The following GPHN variants were observed in gnomAD, a reference collection of about 807,000 sequenced individuals.
The protein encoded by GPHN is gephyrin.
A neutral mutation model predicts 95.5 loss-of-function variants in GPHN; 17 were observed. That is an observed-to-expected ratio of 0.18 (90% CI 0.12 to 0.27). The LOEUF (loss-of-function observed/expected upper bound fraction) is 0.27, where lower values mean the gene tolerates loss of function less well. GPHN is among the 10% of genes least tolerant of loss of function. The probability of loss-of-function intolerance (pLI) is 1.00; values close to 1 mark genes in which losing one functional copy is unlikely to be tolerated. For synonymous variants in GPHN, 320 were observed against 322.5 expected, an observed-to-expected ratio of 0.99 and a Z score of 0.08; for missense variants, 660 against 978.1, an observed-to-expected ratio of 0.67 and a Z score of 4.34.
chr14:66,751,112 C>T (rs1044090248), intron 2 of GPHN, among the ~76,000 whole-genome samples: 11 of 151,792 alleles, frequency 7.2e-5, no homozygotes, highest in African/African-American at 2.7e-4. Flanking sequence ...CTAAAGCCTC[C>T]TAAAAGAAAC....
the GPHN span, among the ~76,000 whole-genome samples, chr14:67,625,680 C>CAAAAAAAAAAAA: frequency 3.1e-5 from 1 of 32,128 alleles, no homozygotes; most frequent in Non-Finnish European, 6.6e-5. Flanking sequence ...AACTCCATCT[C>CAAAAAAAAAAAA]AAAAAAAAAA....
the GPHN span, chr14:67,203,049 C>T: frequency 5.7e-6 from 9 of 1,581,056 alleles, no homozygotes; most frequent in African/African-American, 1.1e-4. Context: ...TTGTCAAAGC[C>T]ACACATTTCA....
chr14:66,781,223 CT>C lies in GPHN; in HGVS notation c.201+4717del, dbSNP rs764447609. The stretch of plus-strand genomic sequence containing the variant: ...ATGTAACCACTATTCTGACTTCTTT[CT>C]TTTTTTTTTTTTTTGATACGGAGTC... On this transcript the variant is annotated intron_variant, in intron 3 of 22. Transcript: ENST00000478722. 5.0e-3 allele frequency among the ~76,000 whole-genome samples: 705 copies of C among 141,648 alleles called. 1 individual carries two copies. Among genetic ancestry groups the C allele is most frequent in the African/African-American group, 9.8e-3 (381 of 39,006 alleles). The allele number at this position is 141,648 out of a possible 152,430, so 92.9% of individuals were successfully genotyped here. A position where few individuals can be genotyped will look rare whatever the true frequency, so the allele number is the denominator to read the frequency against.
intron 18 of GPHN, among the ~76,000 whole-genome samples, chr14:67,152,961 G>C (rs1276238599): frequency 8.2e-6 from 1 of 121,562 alleles, no homozygotes; most frequent in East Asian, 2.6e-4. Flanking sequence ...GAGACTCCGT[G>C]TCAAAAAAAA....
At chr14:66,666,328 T>C (rs1339053724) in intron 1 of GPHN, among the ~76,000 whole-genome samples, 2 of 151,092 alleles carry the variant, frequency 1.3e-5, no homozygotes, top group African/African-American at 4.8e-5. Flanking sequence ...GCACAATATC[T>C]TATTAATAAT....
intron 21 of GPHN, among the ~76,000 whole-genome samples, chr14:67,169,304 A>G (rs1198793744): frequency 6.6e-6 from 1 of 152,198 alleles, no homozygotes; most frequent in East Asian, 1.9e-4. Context: ...AGTGATACTT[A>G]AGGACAAAAC....
At chr14:67,269,973 G>A in the GPHN span, 1 of 152,202 alleles carries the variant, frequency 6.6e-6, no homozygotes, top group African/African-American at 2.4e-5. Flanking sequence ...AAAAATTCTA[G>A]AGTTCTGGAC....
chr14:66,941,967 T>C (rs569069861), intron 8 of GPHN, among the ~76,000 whole-genome samples: 2 of 152,286 alleles, frequency 1.3e-5, no homozygotes, highest in East Asian at 3.9e-4. Context: ...AAAGATTGCT[T>C]CAGTTTTCTG....
In GPHN at chr14:67,026,643, G is replaced by GTTTGT. The variant is rs544711382; in HGVS notation, c.1006+2982_1006+2986dup. Among the ~76,000 whole-genome samples, 459 of 151,474 alleles carry GTTTGT rather than the reference G, an allele frequency of 3.0e-3. 8 individuals are homozygous for GTTTGT. The highest frequency in any genetic ancestry group is 0.01 in the African/African-American group (434 of 41,344). ...TTATAGCCCACATTTTTTTTTGTTT[G>GTTTGT]TTTGTTTTGTTTTGTTTTTGAGACG... is the stretch of plus-strand genomic sequence containing the variant. On this transcript the variant is annotated intron_variant, in intron 10 of 22. Transcript: ENST00000478722.
intron 9 of GPHN, among the ~76,000 whole-genome samples, chr14:66,976,646 A>G (rs769330455): frequency 6.6e-6 from 1 of 152,160 alleles, no homozygotes; most frequent in Non-Finnish European, 1.5e-5. Flanking sequence ...AATTCATTGA[A>G]TATTTCAGTG....
At chr14:66,614,509 CT>C (rs2062917430) in intron 1 of GPHN, among the ~76,000 whole-genome samples, 1 of 150,450 alleles carries the variant, frequency 6.6e-6, no homozygotes, top group Non-Finnish European at 1.5e-5. Context: ...ATACTTTTTG[CT>C]TTTCTACATG....
the GPHN span, among the ~76,000 whole-genome samples, chr14:67,192,859 G>A: frequency 1.4e-5 from 2 of 142,216 alleles, no homozygotes; most frequent in Non-Finnish European, 3.1e-5. Context: ...TAGATATACA[G>A]ATATATATAG....
At chr14:67,578,011 G>A in the GPHN span, 5 of 1,611,654 alleles carry the variant, frequency 3.1e-6, no homozygotes, top group East Asian at 8.9e-5. This position sits in a 1 kb window ranked among gnomAD's most constrained non-coding sequence, Gnocchi z 5.0. Context: ...GCTCACTGCT[G>A]TTCCCTCCCA....
At chr14:66,703,046 T>G (rs2068711077) in intron 2 of GPHN, among the ~76,000 whole-genome samples, 2 of 144,784 alleles carry the variant, frequency 1.4e-5, no homozygotes, top group Non-Finnish European at 3.0e-5. Context: ...GGGATATCAG[T>G]TTGAAGACCA....
At chr14:67,089,152 T>TTTTTTTTTTTTTTTTTTTTTTTTTG in intron 12 of GPHN, 77 bp downstream of exon 12, 1 of 512,272 alleles carries the variant, frequency 2.0e-6, no homozygotes. Flanking sequence ...TTTTTTTTTT[T>TTTTTTTTTTTTTTTTTTTTTTTTTG]TTTTTTCAAA....
At chr14:66,832,009 T>C (rs1369201314) in intron 4 of GPHN, among the ~76,000 whole-genome samples, 1 of 151,998 alleles carries the variant, frequency 6.6e-6, no homozygotes, top group Admixed American at 6.6e-5. Context: ...TAGCCAGGCA[T>C]GTTGTTGCAT....
intron 2 of GPHN, among the ~76,000 whole-genome samples, chr14:66,732,389 T>C (rs1242841704): frequency 1.3e-5 from 2 of 152,230 alleles, no homozygotes; most frequent in Non-Finnish European, 2.9e-5. Context: ...AGCTTTCAAA[T>C]TGAGTGACTG....
intron 21 of GPHN, among the ~76,000 whole-genome samples, chr14:67,174,519 T>C (rs2082805722): frequency 6.6e-6 from 1 of 152,208 alleles, no homozygotes; most frequent in Non-Finnish European, 1.5e-5. Flanking sequence ...TTTGCTGCTG[T>C]GAATAGTGTC....
At chr14:67,439,578 T>TTTCTTTCTTTC in the GPHN span, among the ~76,000 whole-genome samples, 2 of 107,722 alleles carry the variant, frequency 1.9e-5, no homozygotes, top group African/African-American at 6.2e-5. Flanking sequence ...TCTTTCTTTC[T>TTTCTTTCTTTC]TTCTTTCTTT....
Sources: gnomAD v4.1 joint callset for allele counts (sites outside exome capture counted in the v4.1 genomes callset) on GRCh38, gnomAD v4.1.1 for gene constraint, Gnocchi (gnomAD v3.1) non-coding constraint, MANE v1.5 for transcripts, NCBI Gene and HGNC (gene_info 2026-07-23, HGNC 2026-07-21) for gene names.